SHISA8: variants seen among roughly 807,000 people sequenced by gnomAD.
The protein encoded by SHISA8 is protein shisa-8.
In SHISA8, 21 loss-of-function variants were observed where a neutral mutation model predicts 21.1. The observed-to-expected ratio is 0.99, with a 90% CI of 0.71 to 1.43. The LOEUF (loss-of-function observed/expected upper bound fraction) is 1.43, where lower values mean the gene tolerates loss of function less well. Ranked by LOEUF, SHISA8 falls within the 40% of genes most tolerant of loss-of-function variation. The probability of loss-of-function intolerance (pLI) is 0.00; values close to 1 mark genes in which losing one functional copy is unlikely to be tolerated. For synonymous variants in SHISA8, 300 were observed against 291.4 expected (o/e 1.03, Z -0.30); for missense variants, 535 against 599.1 (o/e 0.89, Z 1.12).
chr22:41,909,605 T>G lies in SHISA8; in HGVS notation c.*160A>C. On this transcript the variant is annotated 3_prime_UTR_variant, in exon 4 of 4. Transcript: ENST00000621082. ...GGCAGGAACCACATAAAAGGGCTTA[T>G]TTACAAGACGAACCCGCGGCCTGCA... 2 of 1,001,264 alleles carry G rather than the reference T, an allele frequency of 2.0e-6. No homozygotes were observed. Among genetic ancestry groups the G allele is most frequent in the Non-Finnish European group, 2.6e-6 (2 of 756,468 alleles). 62.0% of individuals were successfully genotyped at this position (1,001,264 alleles called of 1,614,324 possible). A position where few individuals can be genotyped will look rare whatever the true frequency, so the allele number is the denominator to read the frequency against.
intron 1 of SHISA8, among the ~76,000 whole-genome samples, chr22:41,911,695 G>T (rs2077554442): frequency 6.6e-6 from 1 of 151,880 alleles, no homozygotes; most frequent in Non-Finnish European, 1.5e-5. Flanking sequence ...CCAAAAAACT[G>T]CTACTCATTC....
Position 41,914,402 on chromosome 22 carries a change from C to A in SHISA8, c.266G>T (p.Gly89Val). ...GAYSFCCGTC[G>V]YRFCCHDGPR... ...CCCGTCGTGGCAGCAGAAGCGGTAG[C>A]CGCACGTGCCGCAGCAGAAGCTGTA... The change falls in exon 1 of 4, where the codon GGC becomes GTC. Residue 89 changes from glycine to valine, a missense_variant. Gly to Val is a moderately radical substitution (Grantham distance 109, BLOSUM62 -3). Coordinates refer to ENST00000621082, the MANE Select transcript of SHISA8 (RefSeq NM_001207020.3). This position sits in a 1 kb window ranked among gnomAD's most constrained non-coding sequence, Gnocchi z 6.8. 1 of 1,336,904 alleles carries A rather than the reference C, an allele frequency of 7.5e-7. No individual in the cohort carries two copies. Among genetic ancestry groups the A allele is most frequent in the Non-Finnish European group, 9.6e-7 (1 of 1,041,676 alleles). The allele number at this position is 1,336,904 out of a possible 1,614,324, so 82.8% of individuals were successfully genotyped here.
At position 41,910,680 on chromosome 22, in the gene SHISA8, G is replaced by C. The variant is rs2077545785; in HGVS notation, c.665-126C>G. 13 of 1,115,480 alleles carry C rather than the reference G, an allele frequency of 1.2e-5. No individual in the cohort carries two copies. The highest frequency in any genetic ancestry group is 1.5e-5 in the Non-Finnish European group (13 of 889,804). 69.1% of individuals were successfully genotyped at this position (1,115,480 alleles called of 1,614,324 possible). ...ACCTGGGGGACCGTTCTCCGGGCGA[G>C]GCTGCGAGCCAAGCCTGTCTTCGCC... On this transcript the variant is annotated intron_variant, in intron 2 of 3. Coordinates refer to ENST00000621082, the MANE Select transcript of SHISA8 (RefSeq NM_001207020.3). This position sits in a 1 kb window ranked among gnomAD's most constrained non-coding sequence, Gnocchi z 6.8.
chr22:41,914,399 T>C lies in SHISA8; in HGVS notation c.269A>G (p.Tyr90Cys). ...AYSFCCGTCG[Y>C]RFCCHDGPRR... ...CGGCCCGTCGTGGCAGCAGAAGCGG[T>C]AGCCGCACGTGCCGCAGCAGAAGCT... Residue 90 changes from tyrosine (Y) to cysteine (C), a missense_variant, in exon 1 of 4, where the codon TAC becomes TGC. Coordinates refer to ENST00000621082, the MANE Select transcript of SHISA8 (RefSeq NM_001207020.3). The surrounding 1 kb of genome is among the most constrained non-coding windows in gnomAD (Gnocchi z 6.8). The C allele has an allele frequency of 7.6e-7, 1 of 1,323,156 alleles. No individual in the cohort carries two copies. The highest frequency in any genetic ancestry group is 9.7e-7 in the Non-Finnish European group (1 of 1,033,962). The allele number at this position is 1,323,156 out of a possible 1,614,324, so 82.0% of individuals were successfully genotyped here.
chr22:41,913,287 T>C (rs972307572), intron 1 of SHISA8, among the ~76,000 whole-genome samples: 2 of 152,212 alleles, frequency 1.3e-5, no homozygotes, highest in African/African-American at 4.8e-5. Context: ...TACCAGCCTG[T>C]CACATTCGGT....
At chr22:41,913,580 A>G (rs1406942914) in intron 1 of SHISA8, among the ~76,000 whole-genome samples, 2 of 152,094 alleles carry the variant, frequency 1.3e-5, no homozygotes, top group Admixed American at 6.6e-5. Context: ...ACGCAGAGGG[A>G]GCCCTGACCT....
Position 41,910,469 on chromosome 22 carries a change from C to T in SHISA8, c.750G>A (p.Leu250=). Residue 250 remains leucine (L), a synonymous_variant, in exon 3 of 4, where the codon CTG becomes CTA. Coordinates refer to ENST00000621082, the MANE Select transcript of SHISA8 (RefSeq NM_001207020.3). This position sits in a 1 kb window ranked among gnomAD's most constrained non-coding sequence, Gnocchi z 6.8. ...ACTTGGCGTAGTCTGGCTGCAGCGT[C>T]AGGCTGCCGCCGCCCTGCAGCCGCG... ...RGPRLQGGGS[L]TLQPDYAKYA... is the part of the protein sequence containing the mutation. 6.2e-6 allele frequency: 8 copies of T among 1,291,664 alleles called. No homozygotes were observed. Among genetic ancestry groups the T allele is most frequent in the Non-Finnish European group, 6.8e-6 (7 of 1,025,396 alleles). 80.0% of individuals were successfully genotyped at this position (1,291,664 alleles called of 1,614,324 possible). A position where few individuals can be genotyped will look rare whatever the true frequency, so the allele number is the denominator to read the frequency against.
In SHISA8 at chr22:41,910,191, C is replaced by G. The variant is rs527466210; in HGVS notation, c.812-44G>C. Reference sequence around the variant, plus strand: ...GAAGAGTGACGCCGCGCCGAGCACCCAAGCTCAGGACTGGACAAGGGGTCC... The same window carrying G: ...GAAGAGTGACGCCGCGCCGAGCACCGAAGCTCAGGACTGGACAAGGGGTCC... On this transcript the variant is annotated intron_variant, in intron 3 of 3. Transcript: ENST00000621082. This position sits in a 1 kb window ranked among gnomAD's most constrained non-coding sequence, Gnocchi z 6.8. The G allele has an allele frequency of 1.1e-4, 137 of 1,229,124 alleles. No homozygotes were observed. The South Asian group carries it at 4.8e-3, about 43-fold the overall frequency. 76.1% of individuals were successfully genotyped at this position (1,229,124 alleles called of 1,614,324 possible).
At position 41,914,798 on chromosome 22, in the gene SHISA8, T is replaced by A; in HGVS notation, c.-131A>T. 3.0e-6 allele frequency: 2 copies of A among 670,264 alleles called. No homozygotes were observed. Among genetic ancestry groups the A allele is most frequent in the Non-Finnish European group, 3.7e-6 (2 of 541,144 alleles). The allele number at this position is 670,264 out of a possible 1,614,324, so 41.5% of individuals were successfully genotyped here. A position where few individuals can be genotyped will look rare whatever the true frequency, so the allele number is the denominator to read the frequency against. On this transcript the variant is annotated 5_prime_UTR_variant, in exon 1 of 4. Transcript: ENST00000621082. This position sits in a 1 kb window ranked among gnomAD's most constrained non-coding sequence, Gnocchi z 6.8. ...CGCCGCCTCGGCCGTCGGCCTCCTC[T>A]GGGGACCCCAGCCCCGAGTGGGCTG...
At position 41,914,325 on chromosome 22, in the gene SHISA8, C is replaced by A; in HGVS notation, c.343G>T (p.Val115Phe). 8.0e-7 allele frequency: 1 copy of A among 1,245,654 alleles called. No homozygotes were observed. The highest frequency in any genetic ancestry group is 1.0e-6 in the Non-Finnish European group (1 of 996,412). The allele number at this position is 1,245,654 out of a possible 1,614,324, so 77.2% of individuals were successfully genotyped here. The change falls in exon 1 of 4, where the codon GTC becomes TTC. Residue 115 changes from valine to phenylalanine, a missense_variant. Physicochemically the swap from Val to Phe is conservative, Grantham distance 50 (BLOSUM62 -1). Transcript: ENST00000621082. The surrounding 1 kb of genome is among the most constrained non-coding windows in gnomAD (Gnocchi z 6.8). Reference protein sequence around the residue: ...RCSNYDTPAWVQTGRPPARAR... With the variant: ...RCSNYDTPAWFQTGRPPARAR... ...CGGGCGGGCGGCCGGCCTGTCTGGA[C>A]CCAGGCCGGCGTGTCGTAGTTGGAA...
chr22:41,909,949 GCGGGC>G lies in SHISA8; in HGVS notation c.1005_1009del (p.Pro338GlnfsTer28). On this transcript the variant is annotated frameshift_variant, in exon 4 of 4. Coordinates refer to ENST00000621082, the MANE Select transcript of SHISA8 (RefSeq NM_001207020.3). LOFTEE classifies it low-confidence loss of function (END_TRUNC). Reference sequence around the variant, plus strand: ...CCGAGCCGTCGGGTGGCTGAGCGGGGCGGGCCGGGCCGGGCGACTGGAGGTCCAGG... The same window carrying G: ...CCGAGCCGTCGGGTGGCTGAGCGGGGCGGGCCGGGCGACTGGAGGTCCAGG... The G allele has an allele frequency of 6.7e-7, 1 of 1,489,386 alleles. No homozygotes were observed. The highest frequency in any genetic ancestry group is 8.9e-7 in the Non-Finnish European group (1 of 1,126,366). 92.3% of individuals were successfully genotyped at this position (1,489,386 alleles called of 1,614,324 possible). A position where few individuals can be genotyped will look rare whatever the true frequency, so the allele number is the denominator to read the frequency against.
In SHISA8 at chr22:41,910,456, C is replaced by G; in HGVS notation, c.763G>C (p.Asp255His). The G allele has an allele frequency of 7.5e-7, 1 of 1,327,196 alleles. No homozygotes were observed. The allele number at this position is 1,327,196 out of a possible 1,614,324, so 82.2% of individuals were successfully genotyped here. A position where few individuals can be genotyped will look rare whatever the true frequency, so the allele number is the denominator to read the frequency against. The change falls in exon 3 of 4, where the codon GAC becomes CAC. Residue 255 changes from aspartate (D) to histidine (H), a missense_variant. Asp to His is a moderately conservative substitution (Grantham distance 81). Transcript: ENST00000621082. The surrounding 1 kb of genome is among the most constrained non-coding windows in gnomAD (Gnocchi z 6.8). ...TTGAACGTGGCGTACTTGGCGTAGT[C>G]TGGCTGCAGCGTCAGGCTGCCGCCG... is the stretch of plus-strand genomic sequence containing the variant. ...QGGGSLTLQP[D>H]YAKYATFKAA...
chr22:41,912,229 C>T (rs1174628902), intron 1 of SHISA8, among the ~76,000 whole-genome samples: 1 of 152,214 alleles, frequency 6.6e-6, no homozygotes, highest in African/African-American at 2.4e-5. Flanking sequence ...AACACCCAGC[C>T]CCCACCCAGC....
chr22:41,913,991 G>T (rs552436274), intron 1 of SHISA8, 147 bp downstream of exon 1: 22 of 769,312 alleles, frequency 2.9e-5, no homozygotes, highest in African/African-American at 7.3e-5. Context: ...TGAAGTGTTG[G>T]GGGGGCGGCG....
At chr22:41,912,872 T>A (rs1412502222) in intron 1 of SHISA8, among the ~76,000 whole-genome samples, 1 of 152,188 alleles carries the variant, frequency 6.6e-6, no homozygotes, top group Non-Finnish European at 1.5e-5. Context: ...GAGTTCAGGA[T>A]GAACATGTCA....
chr22:41,909,744 C>T lies in SHISA8; in HGVS notation c.*21G>A, dbSNP rs1207692630. 9 of 1,425,528 alleles carry T rather than the reference C, an allele frequency of 6.3e-6. No individual in the cohort carries two copies. In the South Asian group the frequency reaches 1.2e-4, roughly 18 times the overall value. The allele number at this position is 1,425,528 out of a possible 1,614,324, so 88.3% of individuals were successfully genotyped here. A position where few individuals can be genotyped will look rare whatever the true frequency, so the allele number is the denominator to read the frequency against. ...GCAGACAGGACCCCAGCCCATGCCT[C>T]GAGGGCACCGCGGCCCCGCTTCACA... On this transcript the variant is annotated 3_prime_UTR_variant, in exon 4 of 4. Transcript: ENST00000621082.
Position 41,914,520 on chromosome 22 carries a change from C to T in SHISA8, c.148G>A (p.Gly50Ser), listed in dbSNP as rs980788512. ...TCGCCCCCCTCCGGGGCTGTCGTGCCGGGCGCCGCGGGACCCTGCGCCTCG... is the reference window on the plus strand; with the variant it reads ...TCGCCCCCCTCCGGGGCTGTCGTGCTGGGCGCCGCGGGACCCTGCGCCTCG... ...APEAQGPAAPGTTAPEGGDRC... is the reference protein window; with the variant it reads ...APEAQGPAAPSTTAPEGGDRC... The change falls in exon 1 of 4, where the codon GGC becomes AGC. Residue 50 changes from glycine (G) to serine (S), a missense_variant. Transcript: ENST00000621082. This position sits in a 1 kb window ranked among gnomAD's most constrained non-coding sequence, Gnocchi z 6.8. 56 of 1,220,200 alleles carry T rather than the reference C, an allele frequency of 4.6e-5. No individual in the cohort carries two copies. The African/African-American group carries it at 7.8e-4, about 17-fold the overall frequency. 75.6% of individuals were successfully genotyped at this position (1,220,200 alleles called of 1,614,324 possible). A position where few individuals can be genotyped will look rare whatever the true frequency, so the allele number is the denominator to read the frequency against.
In SHISA8 at chr22:41,911,231, G is replaced by C; in HGVS notation, c.649C>G (p.Pro217Ala). 1 of 1,283,046 alleles carries C rather than the reference G, an allele frequency of 7.8e-7. No homozygotes were observed. Among genetic ancestry groups the C allele is most frequent in the Non-Finnish European group, 9.8e-7 (1 of 1,015,790 alleles). The allele number at this position is 1,283,046 out of a possible 1,614,324, so 79.5% of individuals were successfully genotyped here. The change falls in exon 2 of 4, where the codon CCC becomes GCC. Residue 217 changes from proline to alanine, a missense_variant. By Grantham distance (27) the Pro-to-Ala change is conservative. Transcript: ENST00000621082. ...ACCGACTCACCTGCGCTGTTGTGGG[G>C]GGAGCCCCGGGGGAGGCCGTCCCCC... ...QMGDGLPRGS[P>A]HNSADKKRLN...
Position 41,909,962 on chromosome 22 carries a change from G to A in SHISA8, c.997C>T (p.Pro333Ser). The stretch of plus-strand genomic sequence containing the variant: ...TGGCTGAGCGGGGCGGGCCGGGCCG[G>A]GCGACTGGAGGTCCAGGCGGCATAG... ...GPYAAWTSSR[P>S]ARPAPLSHPT... The change falls in exon 4 of 4, where the codon CCG (proline) becomes TCG (serine). Residue 333 changes from proline (P) to serine (S), a missense_variant. By Grantham distance (74) the Pro-to-Ser change is moderately conservative. Transcript: ENST00000621082. The A allele has an allele frequency of 6.9e-7, 1 of 1,459,768 alleles. No homozygotes were observed. Among genetic ancestry groups the A allele is most frequent in the African/African-American group, 1.5e-5 (1 of 68,136 alleles). 90.4% of individuals were successfully genotyped at this position (1,459,768 alleles called of 1,614,324 possible). A position where few individuals can be genotyped will look rare whatever the true frequency, so the allele number is the denominator to read the frequency against.
Sources: allele counts gnomAD v4.1 joint callset (sites outside exome capture counted in the v4.1 genomes callset), GRCh38; gene constraint gnomAD v4.1.1; non-coding constraint Gnocchi (gnomAD v3.1); transcripts MANE v1.5; gene names NCBI Gene and HGNC (gene_info 2026-07-23, HGNC 2026-07-21).